OPCML: variants seen among roughly 807,000 people sequenced by gnomAD.
OPCML encodes opioid-binding protein/cell adhesion molecule.
OPCML carries 13 observed loss-of-function variants against 37.8 expected under a neutral mutation model. The observed-to-expected ratio is 0.34, with a 90% CI of 0.22 to 0.55. OPCML has a LOEUF of 0.55. Ranked by LOEUF, OPCML falls within the 20% of genes least tolerant of loss-of-function variation. The pLI, the probability that OPCML is intolerant of heterozygous loss-of-function variation, is 0.91. For synonymous variants in OPCML, 176 were observed against 168.8 expected (o/e 1.04, Z -0.33); for missense variants, 341 against 435.6 (o/e 0.78, Z 1.93).
At chr11:133,493,359 G>A (rs551195632) in intron 1 of OPCML, among the ~76,000 whole-genome samples, 2 of 152,356 alleles carry the variant, frequency 1.3e-5, no homozygotes, top group African/African-American at 4.8e-5. Context: ...GACATAAGTA[G>A]AAAGTGAGGA....
intron 7 of OPCML, among the ~76,000 whole-genome samples, chr11:132,428,583 A>G (rs2095985536): frequency 6.6e-6 from 1 of 152,190 alleles, no homozygotes; most frequent in Non-Finnish European, 1.5e-5. Flanking sequence ...AGAAGAGGGC[A>G]CAAGCCTGCC....
intron 1 of OPCML, among the ~76,000 whole-genome samples, chr11:133,153,663 G>A (rs1950018169): frequency 6.6e-6 from 1 of 152,270 alleles, no homozygotes; most frequent in East Asian, 1.9e-4. Context: ...TCTGATGGGA[G>A]CATCTCTGGC....
intron 1 of OPCML, among the ~76,000 whole-genome samples, chr11:133,406,292 C>A (rs1945524177): frequency 6.6e-6 from 1 of 152,138 alleles, no homozygotes; most frequent in South Asian, 2.1e-4. Flanking sequence ...GCTGCACCTC[C>A]AAACCTGCAG....
chr11:132,722,260 T>C (rs867393340), intron 2 of OPCML, among the ~76,000 whole-genome samples: 2 of 151,726 alleles, frequency 1.3e-5, no homozygotes, highest in Non-Finnish European at 2.9e-5. Context: ...CGGCCTATTT[T>C]TTTTTTTCAT....
chr11:132,826,050 G>A (rs1018451724), intron 2 of OPCML, among the ~76,000 whole-genome samples: 3 of 152,142 alleles, frequency 2.0e-5, no homozygotes, highest in African/African-American at 4.8e-5. Context: ...GTGCAAAGAC[G>A]TGGCTACTGT....
intron 2 of OPCML, among the ~76,000 whole-genome samples, chr11:132,893,302 C>T (rs1202669926): frequency 6.6e-6 from 1 of 152,214 alleles, no homozygotes; most frequent in African/African-American, 2.4e-5. Context: ...CTAATCTTTC[C>T]AGCATGGCTA....
At chr11:132,676,589 C>A (rs1398998814) in intron 2 of OPCML, among the ~76,000 whole-genome samples, 2 of 151,254 alleles carry the variant, frequency 1.3e-5, no homozygotes, top group Admixed American at 1.3e-4. Flanking sequence ...AACTCAAGAA[C>A]AACAAAAAAT....
chr11:133,201,268 T>A (rs568155469), intron 1 of OPCML, among the ~76,000 whole-genome samples: 72 of 150,362 alleles, frequency 4.8e-4, no homozygotes, highest in African/African-American at 1.7e-3. Flanking sequence ...GCACACGTAC[T>A]CCTGGAAATT....
At chr11:132,971,080 T>C (rs1304044249) in intron 1 of OPCML, among the ~76,000 whole-genome samples, 1 of 152,274 alleles carries the variant, frequency 6.6e-6, no homozygotes, top group South Asian at 2.1e-4. Flanking sequence ...TCATACACAG[T>C]GACCGACTGT....
chr11:133,048,777 C>T (rs866910704), intron 1 of OPCML, among the ~76,000 whole-genome samples: 85 of 152,190 alleles, frequency 5.6e-4, no homozygotes, highest in African/African-American at 1.9e-3. Flanking sequence ...GTCTGGAACT[C>T]TGTCTTCTCC....
chr11:133,499,741 C>A (rs1947863750), intron 1 of OPCML, among the ~76,000 whole-genome samples: 1 of 147,766 alleles, frequency 6.8e-6, no homozygotes, highest in Non-Finnish European at 1.5e-5. Context: ...AGATCAAAAA[C>A]AAATGACCAA....
At position 133,394,356 on chromosome 11, in the gene OPCML, A is replaced by T. The variant is rs530616988; in HGVS notation, c.61+137908T>A. Among the ~76,000 whole-genome samples the T allele has an allele frequency of 1.4e-4, 22 of 152,352 alleles. No individual in the cohort carries two copies. The East Asian group carries it at 2.1e-3, about 15-fold the overall frequency. ...ACAGGCAATGTATAATTATCACATC[A>T]GGGTAAATGAAGTATCCATTCCCTC... is the stretch of plus-strand genomic sequence containing the variant. On this transcript the variant is annotated intron_variant, in intron 1 of 7. Coordinates refer to ENST00000524381, the MANE Select transcript of OPCML (RefSeq NM_001012393.5).
intron 1 of OPCML, among the ~76,000 whole-genome samples, chr11:132,982,689 A>T (rs774712625): frequency 6.6e-6 from 1 of 152,074 alleles, no homozygotes; most frequent in Non-Finnish European, 1.5e-5. Context: ...CATCTCTAAA[A>T]CCGTGTTCAG....
intron 1 of OPCML, among the ~76,000 whole-genome samples, chr11:133,215,576 C>A (rs1939551001): frequency 6.6e-6 from 1 of 152,124 alleles, no homozygotes; most frequent in Non-Finnish European, 1.5e-5. Flanking sequence ...GAAAAGAAAA[C>A]TGGAAAGGCC....
intron 1 of OPCML, among the ~76,000 whole-genome samples, chr11:132,972,497 C>T (rs1206035202): frequency 6.6e-6 from 1 of 152,152 alleles, no homozygotes; most frequent in African/African-American, 2.4e-5. Context: ...GGATGGAAAG[C>T]CCCATTATTC....
intron 4 of OPCML, among the ~76,000 whole-genome samples, chr11:132,513,015 A>G (rs2096272163): frequency 1.3e-5 from 2 of 152,202 alleles, no homozygotes; most frequent in East Asian, 1.9e-4. Flanking sequence ...TTCTTCCCTT[A>G]TGTTCACTGT....
chr11:132,668,385 C>T (rs947775902), intron 2 of OPCML, among the ~76,000 whole-genome samples: 1 of 152,216 alleles, frequency 6.6e-6, no homozygotes, highest in African/African-American at 2.4e-5. Context: ...GGCTCTGCCA[C>T]TTACTAACAC....
intron 2 of OPCML, among the ~76,000 whole-genome samples, chr11:132,857,283 A>C (rs1303481347): frequency 1.3e-5 from 2 of 152,228 alleles, no homozygotes; most frequent in Non-Finnish European, 2.9e-5. Flanking sequence ...ATCTTCCATG[A>C]AGAAATGTGT....
intron 1 of OPCML, among the ~76,000 whole-genome samples, chr11:132,963,850 G>C (rs953242508): frequency 3.9e-5 from 6 of 151,934 alleles, no homozygotes; most frequent in African/African-American, 7.3e-5. Context: ...CTATATCCTA[G>C]CTGCACGTTA....
Sources: allele counts gnomAD v4.1 joint callset (sites outside exome capture counted in the v4.1 genomes callset), GRCh38; gene constraint gnomAD v4.1.1; transcripts MANE v1.5; gene names NCBI Gene and HGNC (gene_info 2026-07-23, HGNC 2026-07-21).